The following QTMAN variants were observed in gnomAD, a reference collection of about 807,000 sequenced individuals.
The protein encoded by QTMAN is tRNA-queuosine alpha-mannosyltransferase.
chr2:144,285,483 C>T, the QTMAN span, among the ~76,000 whole-genome samples: 517 of 152,256 alleles, frequency 3.4e-3, 3 homozygotes, highest in Middle Eastern at 6.8e-3. Flanking sequence ...GATGAGTGAA[C>T]TCAGAGAGGT....
chr2:144,162,551 A>G, the QTMAN span, among the ~76,000 whole-genome samples: 120 of 152,274 alleles, frequency 7.9e-4, 1 homozygote, highest in East Asian at 0.021. Context: ...AAAGCAGAAT[A>G]TATCAGGGGA....
the QTMAN span, among the ~76,000 whole-genome samples, chr2:144,328,907 G>C: frequency 6.6e-6 from 1 of 152,146 alleles, no homozygotes; most frequent in Non-Finnish European, 1.5e-5. Context: ...TTCAAAGAAT[G>C]GAGTGTTGGT....
At chr2:144,222,395 A>G in the QTMAN span, among the ~76,000 whole-genome samples, 1 of 151,992 alleles carries the variant, frequency 6.6e-6, no homozygotes, top group African/African-American at 2.4e-5. Context: ...AAAATGCCAA[A>G]ATGTTATGCT....
At chr2:144,268,917 G>A in the QTMAN span, among the ~76,000 whole-genome samples, 5 of 152,078 alleles carry the variant, frequency 3.3e-5, no homozygotes, top group South Asian at 2.1e-4. Flanking sequence ...AGCCTCCCGA[G>A]TAGCTGGGAT....
At chr2:144,111,981 A>G in the QTMAN span, among the ~76,000 whole-genome samples, 1 of 152,238 alleles carries the variant, frequency 6.6e-6, no homozygotes, top group Non-Finnish European at 1.5e-5. Context: ...TACACTTTCC[A>G]TCTTAAAGAG....
At chr2:143,967,567 G>A in the QTMAN span, among the ~76,000 whole-genome samples, 1 of 152,118 alleles carries the variant, frequency 6.6e-6, no homozygotes, top group African/African-American at 2.4e-5. Flanking sequence ...CTGACCTCAG[G>A]TGATCCACCC....
chr2:143,955,299 G>C, the QTMAN span, among the ~76,000 whole-genome samples: 1 of 152,160 alleles, frequency 6.6e-6, no homozygotes, highest in South Asian at 2.1e-4. Context: ...GCTGCTTTAA[G>C]GGTGTTTTTA....
At chr2:144,136,684 C>T in the QTMAN span, among the ~76,000 whole-genome samples, 2 of 152,180 alleles carry the variant, frequency 1.3e-5, no homozygotes, top group Non-Finnish European at 2.9e-5. Flanking sequence ...AAGATTACTC[C>T]CTTTTTTCTC....
At chr2:144,045,864 GT>G in the QTMAN span, among the ~76,000 whole-genome samples, 1 of 152,172 alleles carries the variant, frequency 6.6e-6, no homozygotes, top group Non-Finnish European at 1.5e-5. Context: ...GGCAAAGGGG[GT>G]TTTTGTCATG....
chr2:144,275,804 C>T, the QTMAN span, among the ~76,000 whole-genome samples: 1 of 152,110 alleles, frequency 6.6e-6, no homozygotes, highest in Admixed American at 6.5e-5. Context: ...AGACACAAGA[C>T]CACCTGAGAT....
chr2:144,251,626 C>A, the QTMAN span, among the ~76,000 whole-genome samples: 1 of 151,978 alleles, frequency 6.6e-6, no homozygotes, highest in African/African-American at 2.4e-5. Context: ...TATAAACCTA[C>A]TAGAAGAGAA....
the QTMAN span, among the ~76,000 whole-genome samples, chr2:144,192,385 A>C: frequency 1.3e-5 from 2 of 152,098 alleles, no homozygotes; most frequent in African/African-American, 4.8e-5. Context: ...GGGATTACAA[A>C]CATAAGCCAA....
the QTMAN span, among the ~76,000 whole-genome samples, chr2:144,130,571 T>C: frequency 4.6e-5 from 7 of 151,974 alleles, no homozygotes; most frequent in African/African-American, 1.4e-4. Context: ...ACAATATCAT[T>C]TTGTGAACAC....
the QTMAN span, among the ~76,000 whole-genome samples, chr2:144,097,710 T>TA: frequency 6.6e-6 from 1 of 152,196 alleles, no homozygotes; most frequent in Admixed American, 6.5e-5. Context: ...CCCCCAGCTT[T>TA]AAGTCCTCTG....
At chr2:143,947,613 T>A in the QTMAN span, among the ~76,000 whole-genome samples, 2 of 152,324 alleles carry the variant, frequency 1.3e-5, no homozygotes, top group East Asian at 3.9e-4. Context: ...ATATTCATTA[T>A]TTCATTATAC....
chr2:144,208,666 T>A, the QTMAN span: 2 of 1,613,928 alleles, frequency 1.2e-6, no homozygotes, highest in East Asian at 2.2e-5. Context: ...GGCTCTCCAA[T>A]GCCATTTCTT....
the QTMAN span, among the ~76,000 whole-genome samples, chr2:144,140,543 C>A: frequency 6.6e-6 from 1 of 152,086 alleles, no homozygotes; most frequent in South Asian, 2.1e-4. Flanking sequence ...TCTCTCATCA[C>A]ACATAAGAAA....
At chr2:144,035,850 C>T in the QTMAN span, among the ~76,000 whole-genome samples, 2 of 152,162 alleles carry the variant, frequency 1.3e-5, no homozygotes, top group East Asian at 3.8e-4. Flanking sequence ...AGGTCCTTTC[C>T]TATCCTTTTA....
chr2:144,100,626 T>C, the QTMAN span, among the ~76,000 whole-genome samples: 1 of 152,134 alleles, frequency 6.6e-6, no homozygotes, highest in Non-Finnish European at 1.5e-5. Context: ...TAATATCCAA[T>C]GTTATCAATA....
Sources: gnomAD v4.1 joint callset for allele counts (sites outside exome capture counted in the v4.1 genomes callset) on GRCh38, gnomAD v4.1.1 for gene constraint, MANE v1.5 for transcripts, NCBI Gene and HGNC (gene_info 2026-07-23, HGNC 2026-07-21) for gene names.